NBAS: variants seen among roughly 807,000 people sequenced by gnomAD.
The protein encoded by NBAS is NAG/BC035112 fusion.
A neutral mutation model predicts 302.5 loss-of-function variants in NBAS; 219 were observed. The ratio of observed to expected loss-of-function variants is 0.72; its 90% CI spans 0.65 to 0.81. NBAS has a LOEUF of 0.81. Among genes scored for constraint, NBAS ranks in the 30% least tolerant of loss-of-function variants. The probability of loss-of-function intolerance (pLI) is 0.00; values close to 1 mark genes in which losing one functional copy is unlikely to be tolerated. For synonymous variants in NBAS, 1,118 were observed against 1,021.6 expected (o/e 1.09, Z -1.80); for missense variants, 2,932 against 2,841.6 (o/e 1.03, Z -0.72).
chr2:15,476,646 T>A (rs1173265670), intron 13 of NBAS, among the ~76,000 whole-genome samples: 2 of 151,858 alleles, frequency 1.3e-5, no homozygotes, highest in Non-Finnish European at 2.9e-5. Flanking sequence ...ACCCGGGAGA[T>A]GGAGGTCGCG....
chr2:15,026,462 CAAAAAAAAAAAAAAAAAA>C, the NBAS span, among the ~76,000 whole-genome samples: 1 of 4,534 alleles, frequency 2.2e-4, no homozygotes, highest in Non-Finnish European at 2.9e-4. Context: ...GACTCCGTCT[CAAAAAAAAAAAAAAAAAA>C]AAAAAAAAAA....
At chr2:15,504,078 G>A (rs908023838) in intron 11 of NBAS, 67 bp downstream of exon 11, 2 of 1,318,732 alleles carry the variant, frequency 1.5e-6, no homozygotes, top group Non-Finnish European at 2.2e-6. Flanking sequence ...ATTCAGCTTT[G>A]ACCTTAAAGG....
the NBAS span, among the ~76,000 whole-genome samples, chr2:14,783,261 T>A: frequency 6.6e-6 from 1 of 152,070 alleles, no homozygotes; most frequent in South Asian, 2.1e-4. Context: ...GACCTAACTA[T>A]TCAGCCTAGT....
At position 15,195,119 on chromosome 2, in the gene NBAS, A is replaced by G. The variant is rs548032798; in HGVS notation, c.6433-4716T>C. Among the ~76,000 whole-genome samples the G allele has an allele frequency of 3.3e-5, 5 of 152,298 alleles. No individual in the cohort carries two copies. The South Asian group carries it at 1.0e-3, about 32-fold the overall frequency. ...TTTATAATAGCTCCAAAGAAAATAA[A>G]TTATTTACATGTATAGAATCTGCTA... On this transcript the variant is annotated intron_variant, in intron 48 of 51. Transcript: ENST00000281513.
At chr2:15,178,713 C>T (rs1664669422) in intron 51 of NBAS, among the ~76,000 whole-genome samples, 2 of 152,160 alleles carry the variant, frequency 1.3e-5, no homozygotes, top group Admixed American at 1.3e-4. Context: ...AGGAGACTAA[C>T]ATCCTGCTTC....
intron 48 of NBAS, among the ~76,000 whole-genome samples, chr2:15,191,614 C>T (rs996848620): frequency 8.5e-5 from 13 of 152,128 alleles, no homozygotes; most frequent in Admixed American, 7.2e-4. Context: ...TCTCACTTTA[C>T]AGATGAGGAA....
chr2:15,089,575 G>A, the NBAS span, among the ~76,000 whole-genome samples: 3 of 152,080 alleles, frequency 2.0e-5, no homozygotes, highest in Non-Finnish European at 2.9e-5. Flanking sequence ...GTGGAGGCGG[G>A]GAGGGACCCA....
chr2:15,544,723 G>A (rs1664019204), intron 6 of NBAS, among the ~76,000 whole-genome samples: 1 of 152,138 alleles, frequency 6.6e-6, no homozygotes, highest in Non-Finnish European at 1.5e-5. Flanking sequence ...TCTTTAAAGA[G>A]CTGAAAGAGC....
At chr2:15,094,281 C>T in the NBAS span, among the ~76,000 whole-genome samples, 1 of 152,196 alleles carries the variant, frequency 6.6e-6, no homozygotes, top group Non-Finnish European at 1.5e-5. Flanking sequence ...ATCTTCTCCT[C>T]CATCTGCCTC....
chr2:15,085,300 C>A, the NBAS span, among the ~76,000 whole-genome samples: 1 of 152,052 alleles, frequency 6.6e-6, no homozygotes, highest in Non-Finnish European at 1.5e-5. Flanking sequence ...CCCACCCCAC[C>A]AAGGGTGCCG....
At chr2:15,506,344 T>C (rs116199529) in intron 10 of NBAS, among the ~76,000 whole-genome samples, 1 of 152,056 alleles carries the variant, frequency 6.6e-6, no homozygotes, top group Non-Finnish European at 1.5e-5. Context: ...TCAACTCCAA[T>C]ATCCTAGGAA....
the NBAS span, among the ~76,000 whole-genome samples, chr2:14,920,694 G>A: frequency 8.0e-4 from 122 of 152,148 alleles, no homozygotes; most frequent in African/African-American, 2.3e-3. Context: ...GTTATGGTGC[G>A]TAGTTATGTT....
chr2:15,432,566 TC>T (rs1281947727), intron 21 of NBAS, among the ~76,000 whole-genome samples: 1 of 152,196 alleles, frequency 6.6e-6, no homozygotes, highest in Non-Finnish European at 1.5e-5. Flanking sequence ...TTCAAAAAGT[TC>T]TTTTATTCAT....
chr2:15,376,591 C>T (rs1333028768), intron 30 of NBAS, among the ~76,000 whole-genome samples: 1 of 152,028 alleles, frequency 6.6e-6, no homozygotes, highest in Non-Finnish European at 1.5e-5. Context: ...GATAAGATAT[C>T]ACCTGTGTGG....
the NBAS span, among the ~76,000 whole-genome samples, chr2:14,961,365 G>A: frequency 6.6e-6 from 1 of 152,152 alleles, no homozygotes; most frequent in Non-Finnish European, 1.5e-5. Flanking sequence ...TTCATGAATG[G>A]CTTGGTGCCA....
the NBAS span, among the ~76,000 whole-genome samples, chr2:15,143,526 C>T: frequency 6.6e-6 from 1 of 152,166 alleles, no homozygotes; most frequent in Non-Finnish European, 1.5e-5. Flanking sequence ...TCTGAATGGA[C>T]TGGATGAATT....
chr2:14,844,833 G>T, the NBAS span, among the ~76,000 whole-genome samples: 2 of 152,166 alleles, frequency 1.3e-5, no homozygotes, highest in African/African-American at 4.8e-5. Flanking sequence ...GAAAGGGGAG[G>T]GGAGAGTGGG....
the NBAS span, among the ~76,000 whole-genome samples, chr2:14,796,966 T>G: frequency 2.0e-5 from 3 of 147,022 alleles, no homozygotes; most frequent in Non-Finnish European, 4.5e-5. Context: ...GGCGGGCGCC[T>G]GCAGTTCCAG....
chr2:14,989,307 G>GTGTC, the NBAS span, among the ~76,000 whole-genome samples: 1 of 151,728 alleles, frequency 6.6e-6, no homozygotes. Context: ...GTGTGTGTGT[G>GTGTC]TGTGTGTGTG....
Sources: gnomAD v4.1 joint callset for allele counts (sites outside exome capture counted in the v4.1 genomes callset) on GRCh38, gnomAD v4.1.1 for gene constraint, MANE v1.5 for transcripts, NCBI Gene and HGNC (gene_info 2026-07-23, HGNC 2026-07-21) for gene names.